Variants in CDYL observed in about 807,000 individuals in gnomAD.
CDYL encodes the protein chromodomain Y-like protein.
CDYL carries 8 observed loss-of-function variants against 47.3 expected under a neutral mutation model. The observed-to-expected ratio is 0.17, with a 90% confidence interval of 0.10 to 0.31. CDYL has a LOEUF of 0.31. Among genes scored for constraint, CDYL ranks in the 10% least tolerant of loss-of-function variants. The pLI, the probability that CDYL is intolerant of heterozygous loss-of-function variation, is 1.00. For synonymous variants in CDYL, 266 were observed against 265.0 expected (o/e 1.00, Z -0.04); for missense variants, 471 against 701.4 (o/e 0.67, Z 3.71).
At chr6:4,926,951 C>G (rs1007845549) in intron 2 of CDYL, among the ~76,000 whole-genome samples, 30 of 152,152 alleles carry the variant, frequency 2.0e-4, no homozygotes, top group African/African-American at 7.2e-4. Context: ...CTTAGGAGCT[C>G]AGCATGTGTA....
chr6:4,737,695 T>C (rs1433923409), intron 3 of CDYL, among the ~76,000 whole-genome samples: 3 of 151,924 alleles, frequency 2.0e-5, no homozygotes, highest in Non-Finnish European at 4.4e-5. Flanking sequence ...CCTGGCTAAT[T>C]TTTGTATTTT....
At chr6:4,848,929 G>C (rs1232678785) in intron 1 of CDYL, among the ~76,000 whole-genome samples, 1 of 152,188 alleles carries the variant, frequency 6.6e-6, no homozygotes, top group Non-Finnish European at 1.5e-5. Context: ...TGTTTACTTT[G>C]TTAATAATAC....
chr6:4,756,007 C>G (rs1477207960), intron 3 of CDYL, among the ~76,000 whole-genome samples: 1 of 152,182 alleles, frequency 6.6e-6, no homozygotes, highest in Non-Finnish European at 1.5e-5. Flanking sequence ...TATTATTTCT[C>G]CTGTCAAATC....
At chr6:4,808,282 A>G (rs1015596892) in intron 1 of CDYL, among the ~76,000 whole-genome samples, 2 of 152,216 alleles carry the variant, frequency 1.3e-5, no homozygotes, top group Non-Finnish European at 2.9e-5. Context: ...CTGCACATCT[A>G]TATATGGATC....
intron 1 of CDYL, among the ~76,000 whole-genome samples, chr6:4,806,156 G>T (rs1165947583): frequency 2.6e-5 from 4 of 152,186 alleles, no homozygotes; most frequent in African/African-American, 9.7e-5. Flanking sequence ...AGCAGGAGGG[G>T]CCCTGCATGC....
intron 1 of CDYL, among the ~76,000 whole-genome samples, chr6:4,777,451 C>G (rs1758500639): frequency 6.6e-6 from 1 of 152,110 alleles, no homozygotes; most frequent in Non-Finnish European, 1.5e-5. Context: ...AAGTTCTGGT[C>G]GATGGGTTTA....
chr6:4,876,934 C>T (rs1761636053), intron 1 of CDYL, among the ~76,000 whole-genome samples: 1 of 152,176 alleles, frequency 6.6e-6, no homozygotes, highest in African/African-American at 2.4e-5. Flanking sequence ...GAGGTTAGGC[C>T]ATGAGGGCGC....
At chr6:4,865,812 G>A (rs1281213804) in intron 1 of CDYL, among the ~76,000 whole-genome samples, 1 of 152,144 alleles carries the variant, frequency 6.6e-6, no homozygotes, top group Non-Finnish European at 1.5e-5. Context: ...TTAAGGCAAA[G>A]CCAACATAAT....
chr6:4,862,332 G>A (rs1168772432), intron 1 of CDYL, among the ~76,000 whole-genome samples: 2 of 152,204 alleles, frequency 1.3e-5, no homozygotes, highest in Non-Finnish European at 1.5e-5. Context: ...GGGGTGGGAT[G>A]AGTTAATTCT....
At chr6:4,728,008 G>A (rs1386754109) in intron 2 of CDYL, among the ~76,000 whole-genome samples, 2 of 152,158 alleles carry the variant, frequency 1.3e-5, no homozygotes, top group Non-Finnish European at 2.9e-5. Flanking sequence ...GAAGCCATTT[G>A]TTGGTTAGAG....
rs991185648 is a variant in CDYL at position 4,937,679 on chromosome 6, A to G, written c.1063A>G (p.Ile355Val). ...TTGTGGACTTGACTTTATTTATTTTATACGACGTCTGACAGATGACAGGAA... is the reference window on the plus strand; with the variant it reads ...TTGTGGACTTGACTTTATTTATTTTGTACGACGTCTGACAGATGACAGGAA... ...FCCGLDFIYF[I>V]RRLTDDRKRE... is the part of the protein sequence containing the mutation. Residue 355 changes from isoleucine to valine, a missense_variant, in exon 4 of 7, where the codon ATA (isoleucine) becomes GTA (valine). This residue lies in a region of CDYL where 103 missense variants were observed against 277.1 expected (regional missense o/e 0.37). Coordinates refer to ENST00000397588, the MANE Select transcript of CDYL (RefSeq NM_004824.4). 3 of 1,614,086 alleles carry G rather than the reference A, an allele frequency of 1.9e-6. No homozygotes were observed. In the Admixed American group the frequency reaches 5.0e-5, roughly 27 times the overall value.
At chr6:4,897,526 G>A (rs979529474) in intron 2 of CDYL, among the ~76,000 whole-genome samples, 1 of 152,184 alleles carries the variant, frequency 6.6e-6, no homozygotes, top group African/African-American at 2.4e-5. Flanking sequence ...AAGTATAAGA[G>A]GCACAGCTGC....
intron 1 of CDYL, among the ~76,000 whole-genome samples, chr6:4,835,627 C>T (rs1280545074): frequency 1.3e-5 from 2 of 152,218 alleles, no homozygotes; most frequent in Non-Finnish European, 2.9e-5. Flanking sequence ...ACATTTAAGT[C>T]TGCAGAGCTT....
intron 2 of CDYL, among the ~76,000 whole-genome samples, chr6:4,912,272 T>C (rs1304137018): frequency 1.3e-5 from 2 of 152,052 alleles, no homozygotes; most frequent in Admixed American, 1.3e-4. Context: ...ATGTTGACGT[T>C]GGTTTTGGTG....
rs184200683 is a variant in CDYL, at chr6:4,901,891, C to T, written c.691+9512C>T. Among the ~76,000 whole-genome samples, 4 of 152,280 alleles carry T rather than the reference C, an allele frequency of 2.6e-5. No individual in the cohort carries two copies. In the East Asian group the frequency reaches 7.7e-4, roughly 29 times the overall value. On this transcript the variant is annotated intron_variant, in intron 2 of 6. Transcript: ENST00000397588. ...TCATACCCCACCCCACCCCCAGCCT[C>T]CACTTTTTCAGTCAGGCCATCCTTC...
chr6:4,876,323 C>T (rs975063107), intron 1 of CDYL, among the ~76,000 whole-genome samples: 7 of 152,164 alleles, frequency 4.6e-5, no homozygotes, highest in Admixed American at 4.6e-4. Context: ...AGTCTTTCTG[C>T]TGACATGTGT....
At chr6:4,744,920 TA>T (rs1254541829) in intron 3 of CDYL, among the ~76,000 whole-genome samples, 1 of 152,170 alleles carries the variant, frequency 6.6e-6, no homozygotes, top group Non-Finnish European at 1.5e-5. Flanking sequence ...ATCACCTATG[TA>T]ATCAGTCTGG....
chr6:4,777,128 TG>T (rs1758486946), intron 1 of CDYL, among the ~76,000 whole-genome samples: 1 of 131,156 alleles, frequency 7.6e-6, no homozygotes, highest in Admixed American at 7.6e-5. Flanking sequence ...GTGCCTCCGT[TG>T]CCGCTCGGCG....
chr6:4,937,525 C>G lies in CDYL; in HGVS notation c.949-40C>G, dbSNP rs775505059. ...AAAAAATGCTTTAAGATTTTAAACC[C>G]AAAATATTCTTTGCCACTTTAACTT... On this transcript the variant is annotated intron_variant, in intron 3 of 6. Coordinates refer to ENST00000397588, the MANE Select transcript of CDYL (RefSeq NM_004824.4). 4.7e-6 allele frequency: 7 copies of G among 1,477,230 alleles called. No homozygotes were observed. The South Asian group carries it at 8.3e-5, about 17-fold the overall frequency. The allele number at this position is 1,477,230 out of a possible 1,614,324, so 91.5% of individuals were successfully genotyped here. A position where few individuals can be genotyped will look rare whatever the true frequency, so the allele number is the denominator to read the frequency against.
Sources: gnomAD v4.1 joint callset for allele counts (sites outside exome capture counted in the v4.1 genomes callset) on GRCh38, gnomAD v4.1.1 for gene constraint, gnomAD v4.1.1 regional missense constraint, MANE v1.5 for transcripts, NCBI Gene and HGNC (gene_info 2026-07-23, HGNC 2026-07-21) for gene names.